WWOX: variants seen among roughly 807,000 people sequenced by gnomAD.
WWOX encodes WW domain containing oxidoreductase, also known as WW domain-containing oxidoreductase.
Under a neutral mutation model 46.2 loss-of-function variants are expected in WWOX, and 69 were observed. That is an observed-to-expected ratio of 1.49 (90% CI 1.23 to 1.82). The LOEUF (loss-of-function observed/expected upper bound fraction) is 1.82, where lower values mean the gene tolerates loss of function less well. Ranked by LOEUF, WWOX falls within the 40% of genes most tolerant of loss-of-function variation. The pLI is 0.00. For synonymous variants in WWOX, 359 were observed against 202.6 expected (o/e 1.77, Z -6.56); for missense variants, 919 against 542.6 (o/e 1.69, Z -6.89).
chr16:78,114,089 C>CTTTTT (rs759734805), intron 3 of WWOX, among the ~76,000 whole-genome samples: 2 of 104,118 alleles, frequency 1.9e-5, no homozygotes, highest in Non-Finnish European at 2.0e-5. Context: ...CCATATGTGC[C>CTTTTT]TTTTTTTTTT....
chr16:78,358,450 G>A (rs1175753660), intron 5 of WWOX, among the ~76,000 whole-genome samples: 2 of 152,198 alleles, frequency 1.3e-5, no homozygotes, highest in African/African-American at 2.4e-5. Flanking sequence ...TTGAGGTCAG[G>A]AGTTTGAGAC....
At position 79,007,227 on chromosome 16, in the gene WWOX, G is replaced by A. The variant is rs141365553; in HGVS notation, c.1057-204381G>A. On this transcript the variant is annotated intron_variant, in intron 8 of 8. Coordinates refer to ENST00000566780, the MANE Select transcript of WWOX (RefSeq NM_016373.4). ...AGTTTTTACAGTAAGTGTAAGTTGT[G>A]TGGGTGAAATAAAAAAGGTTCTTTG... Among the ~76,000 whole-genome samples, 14 of 152,288 alleles carry A rather than the reference G, an allele frequency of 9.2e-5. No homozygotes were observed. In the East Asian group the frequency reaches 2.7e-3, roughly 29 times the overall value.
chr16:78,550,389 C>G (rs1375554033), intron 8 of WWOX, among the ~76,000 whole-genome samples: 1 of 152,180 alleles, frequency 6.6e-6, no homozygotes, highest in African/African-American at 2.4e-5. Flanking sequence ...CATAGATAAT[C>G]TATAAGCCAA....
chr16:78,149,282 T>C (rs1045345775), intron 4 of WWOX, among the ~76,000 whole-genome samples: 3 of 152,144 alleles, frequency 2.0e-5, no homozygotes, highest in Non-Finnish European at 4.4e-5. Context: ...TTTTTACTGG[T>C]TGGAAGTATA....
intron 6 of WWOX, among the ~76,000 whole-genome samples, chr16:78,401,612 C>T (rs2082415551): frequency 6.6e-6 from 1 of 152,032 alleles, no homozygotes; most frequent in African/African-American, 2.4e-5. Flanking sequence ...CTGAAGGCTA[C>T]TTAACGCATT....
intron 8 of WWOX, among the ~76,000 whole-genome samples, chr16:78,686,296 G>C (rs908151923): frequency 3.3e-5 from 5 of 151,834 alleles, no homozygotes; most frequent in Non-Finnish European, 5.9e-5. Context: ...CGGATCACGA[G>C]GTCAGGAGAT....
rs959627696 is a variant in WWOX, at chr16:78,348,927, C to T, written c.517-37933C>T. Among the ~76,000 whole-genome samples, 10 of 119,078 alleles carry T rather than the reference C, an allele frequency of 8.4e-5. 3 individuals carry two copies. The highest frequency in any genetic ancestry group is 2.0e-4 in the Non-Finnish European group (10 of 49,802). 78.1% of individuals were successfully genotyped at this position (119,078 alleles called of 152,430 possible). On this transcript the variant is annotated intron_variant, in intron 5 of 8. Coordinates refer to ENST00000566780, the MANE Select transcript of WWOX (RefSeq NM_016373.4). ...GGTCAGAAATCAGGGTGGAAAATAG[C>T]CCAGCAGAGGGGAAAAGAGGAAGTC...
intron 8 of WWOX, among the ~76,000 whole-genome samples, chr16:79,059,782 C>T (rs999256251): frequency 2.0e-5 from 3 of 152,214 alleles, no homozygotes; most frequent in Non-Finnish European, 4.4e-5. Context: ...AAAAGTTGTT[C>T]TGCTAATTAT....
intron 3 of WWOX, among the ~76,000 whole-genome samples, chr16:78,112,570 G>A (rs1258745648): frequency 6.6e-6 from 1 of 151,004 alleles, no homozygotes; most frequent in East Asian, 1.9e-4. Flanking sequence ...AGGTGGGAGT[G>A]CCTATTATTT....
At chr16:79,082,511 C>G (rs1460225787) in intron 8 of WWOX, among the ~76,000 whole-genome samples, 1 of 152,136 alleles carries the variant, frequency 6.6e-6, no homozygotes, top group African/African-American at 2.4e-5. Context: ...GAAAGTAGCC[C>G]AAAGGAACTG....
chr16:78,597,260 A>G (rs943416083), intron 8 of WWOX, among the ~76,000 whole-genome samples: 6 of 152,228 alleles, frequency 3.9e-5, no homozygotes, highest in Admixed American at 1.3e-4. Flanking sequence ...TCATTCCTTC[A>G]TATATTAATC....
chr16:78,136,835 C>G (rs945997117), intron 4 of WWOX, among the ~76,000 whole-genome samples: 12 of 152,120 alleles, frequency 7.9e-5, no homozygotes, highest in Non-Finnish European at 1.6e-4. Flanking sequence ...GCTGTGTGAG[C>G]TGGTGGGCTT....
At chr16:78,108,227 C>T (rs1737196604) in intron 1 of WWOX, among the ~76,000 whole-genome samples, 196 bp from the exon 2 acceptor site, 1 of 150,560 alleles carries the variant, frequency 6.6e-6, no homozygotes, top group Admixed American at 6.7e-5. Context: ...CTCCCGACGG[C>T]CTCTAGATAT....
intron 4 of WWOX, among the ~76,000 whole-genome samples, chr16:78,141,999 T>G (rs2034005676): frequency 6.6e-6 from 1 of 151,892 alleles, no homozygotes; most frequent in East Asian, 1.9e-4. Flanking sequence ...ATTTCTTTTT[T>G]TTTTTTTTTA....
intron 8 of WWOX, among the ~76,000 whole-genome samples, chr16:78,947,436 A>G (rs143041763): frequency 6.6e-5 from 10 of 152,290 alleles, no homozygotes; most frequent in Admixed American, 2.6e-4. Context: ...TTTGAGTGCT[A>G]ACTGAGATGA....
At chr16:78,399,205 C>T (rs1438815786) in intron 6 of WWOX, among the ~76,000 whole-genome samples, 1 of 152,088 alleles carries the variant, frequency 6.6e-6, no homozygotes, top group Non-Finnish European at 1.5e-5. Context: ...GAGGGAAGAA[C>T]AAAAATGGAA....
chr16:78,656,808 C>G (rs941088828), intron 8 of WWOX, among the ~76,000 whole-genome samples: 3 of 152,154 alleles, frequency 2.0e-5, no homozygotes, highest in East Asian at 3.9e-4. Flanking sequence ...GCAGATTGCT[C>G]TGACACAGAA....
chr16:78,794,323 A>G (rs1239388841), intron 8 of WWOX, among the ~76,000 whole-genome samples: 4 of 152,096 alleles, frequency 2.6e-5, no homozygotes, highest in Admixed American at 2.6e-4. Flanking sequence ...CTTTTTTTCA[A>G]AGCTCCCCAG....
chr16:78,641,865 G>A (rs1473771848), intron 8 of WWOX, among the ~76,000 whole-genome samples: 2 of 152,138 alleles, frequency 1.3e-5, no homozygotes, highest in East Asian at 1.9e-4. Flanking sequence ...TTAAATTAAC[G>A]GGGAGCCGAA....
Sources: allele counts gnomAD v4.1 joint callset (sites outside exome capture counted in the v4.1 genomes callset), GRCh38; gene constraint gnomAD v4.1.1; transcripts MANE v1.5; gene names NCBI Gene and HGNC (gene_info 2026-07-23, HGNC 2026-07-21).